The following EFCAB5 variants were observed in gnomAD, a reference collection of about 807,000 sequenced individuals.
EFCAB5 encodes the protein EF-hand calcium binding domain 5.
A neutral mutation model predicts 167.9 loss-of-function variants in EFCAB5; 131 were observed. The ratio of observed to expected loss-of-function variants is 0.78; its 90% CI spans 0.68 to 0.90. EFCAB5 has a LOEUF of 0.90. Among genes scored for constraint, EFCAB5 ranks in the 40% least tolerant of loss-of-function variants. The probability of loss-of-function intolerance (pLI) is 0.00; values close to 1 mark genes in which losing one functional copy is unlikely to be tolerated. For missense variants in EFCAB5, 1,663 were observed against 1,745.2 expected, an observed-to-expected ratio of 0.95 and a Z score of 0.84; for synonymous variants, 574 against 602.8, an observed-to-expected ratio of 0.95 and a Z score of 0.70.
At position 30,052,174 on chromosome 17, in the gene EFCAB5, C is replaced by CT. The variant is rs1263672125; in HGVS notation, c.1300+965dup. ...ACTGGCTGAGTTTCCCAAAGAATGT[C>CT]TTTTTTTTGAGACAGAGTCTCGCTC... is the stretch of plus-strand genomic sequence containing the variant. On this transcript the variant is annotated intron_variant, in intron 9 of 22. Transcript: ENST00000394835. Among the ~76,000 whole-genome samples the CT allele has an allele frequency of 6.6e-5, 10 of 151,462 alleles. No individual in the cohort carries two copies. In the East Asian group the frequency reaches 1.6e-3, roughly 24 times the overall value.
intron 18 of EFCAB5, among the ~76,000 whole-genome samples, chr17:30,084,305 C>A (rs1347270771): frequency 6.6e-6 from 1 of 152,172 alleles, no homozygotes. Context: ...GTTTGAAGGG[C>A]CCCAGCTACA....
At position 30,045,896 on chromosome 17, in the gene EFCAB5, C is replaced by G. The variant is rs1479650944; in HGVS notation, c.1201-5222C>G. Reference sequence around the variant, plus strand: ...AAATAAATAAATAAATAAAAGTTAGCTGAGTGTAGTGGCATGGTACCTGTA... The same window carrying G: ...AAATAAATAAATAAATAAAAGTTAGGTGAGTGTAGTGGCATGGTACCTGTA... On this transcript the variant is annotated intron_variant, in intron 8 of 22. Coordinates refer to ENST00000394835, the MANE Select transcript of EFCAB5 (RefSeq NM_198529.4). 4.6e-5 allele frequency among the ~76,000 whole-genome samples: 7 copies of G among 151,706 alleles called. No homozygotes were observed. The East Asian group carries it at 7.8e-4, about 17-fold the overall frequency.
intron 3 of EFCAB5, among the ~76,000 whole-genome samples, chr17:29,956,444 A>G (rs980685569): frequency 2.0e-5 from 3 of 152,334 alleles, no homozygotes; most frequent in African/African-American, 7.2e-5. Context: ...ATTGGTTACA[A>G]CTGGGCACTT....
At chr17:29,931,296 A>G (rs2067190791) in intron 1 of EFCAB5, among the ~76,000 whole-genome samples, 1 of 152,138 alleles carries the variant, frequency 6.6e-6, no homozygotes. Context: ...TTGTCACTCA[A>G]ACACTCTTGG....
intron 14 of EFCAB5, chr17:30,069,231 A>C: frequency 5.2e-6 from 8 of 1,545,416 alleles, no homozygotes; most frequent in Non-Finnish European, 7.2e-6. Context: ...GCCACTGAAG[A>C]ACATCCAGAA....
At chr17:29,979,897 G>A (rs1287363985) in intron 4 of EFCAB5, among the ~76,000 whole-genome samples, 2 of 152,156 alleles carry the variant, frequency 1.3e-5, no homozygotes, top group South Asian at 2.1e-4. Flanking sequence ...AGCCGGCCAC[G>A]GTGGCTCATG....
At chr17:29,987,999 C>T (rs1039906426) in intron 4 of EFCAB5, among the ~76,000 whole-genome samples, 1 of 152,202 alleles carries the variant, frequency 6.6e-6, no homozygotes, top group Admixed American at 6.5e-5. Context: ...ATTAACTCCT[C>T]CTGTGAAAGA....
chr17:30,051,571 A>G (rs1020964241), intron 9 of EFCAB5, among the ~76,000 whole-genome samples: 22 of 152,080 alleles, frequency 1.4e-4, no homozygotes, highest in Admixed American at 1.3e-4. Context: ...TTAACAAAAA[A>G]ATTTTTTTGA....
At chr17:29,997,008 G>A (rs1380652862) in intron 6 of EFCAB5, among the ~76,000 whole-genome samples, 1 of 152,160 alleles carries the variant, frequency 6.6e-6, no homozygotes, top group Non-Finnish European at 1.5e-5. Flanking sequence ...CACTTTGGGA[G>A]CCCGAGATGG....
chr17:30,050,212 G>A (rs1157488570), intron 8 of EFCAB5, among the ~76,000 whole-genome samples: 4 of 151,368 alleles, frequency 2.6e-5, no homozygotes, highest in African/African-American at 7.3e-5. Context: ...TCTGTTCACC[G>A]CAACCTCCGC....
chr17:30,064,396 C>T (rs1239371252), intron 14 of EFCAB5, among the ~76,000 whole-genome samples: 1 of 151,986 alleles, frequency 6.6e-6, no homozygotes, highest in Non-Finnish European at 1.5e-5. Context: ...GAGAGCTTCA[C>T]CAGCAGACTT....
intron 14 of EFCAB5, chr17:30,069,593 T>C: frequency 6.2e-7 from 1 of 1,613,304 alleles, no homozygotes; most frequent in Non-Finnish European, 8.5e-7. Flanking sequence ...CCTCGTGATG[T>C]GCTCCTTCTC....
intron 19 of EFCAB5, among the ~76,000 whole-genome samples, chr17:30,089,453 C>T (rs1247651672): frequency 2.6e-5 from 4 of 151,832 alleles, no homozygotes; most frequent in African/African-American, 7.3e-5. Flanking sequence ...TTTACAAATA[C>T]CTTAAAGAAA....
chr17:29,943,322 T>G (rs2151516571), intron 2 of EFCAB5, among the ~76,000 whole-genome samples: 1 of 152,282 alleles, frequency 6.6e-6, no homozygotes, highest in Non-Finnish European at 1.5e-5. Flanking sequence ...GCATATTACT[T>G]TGTTAGTAAC....
intron 3 of EFCAB5, among the ~76,000 whole-genome samples, chr17:29,946,500 G>A (rs2067402360): frequency 1.6e-5 from 2 of 127,174 alleles, no homozygotes; most frequent in African/African-American, 3.0e-5. Flanking sequence ...GCAGTGGCAT[G>A]ATCTTGGCTG....
intron 9 of EFCAB5, 115 bp from the exon 10 acceptor site, chr17:30,053,140 A>G: frequency 8.5e-7 from 1 of 1,177,280 alleles, no homozygotes; most frequent in Non-Finnish European, 1.2e-6. Flanking sequence ...TATTTAGAGC[A>G]ATAGGCCTAT....
chr17:29,977,035 G>A (rs538980369), intron 4 of EFCAB5, among the ~76,000 whole-genome samples: 11 of 152,160 alleles, frequency 7.2e-5, no homozygotes, highest in South Asian at 6.2e-4. Context: ...TAATTCTTAC[G>A]TGCAATTTTG....
rs941326539 is a variant in EFCAB5, at chr17:30,052,934, A to G, written c.1301-321A>G. On this transcript the variant is annotated intron_variant, in intron 9 of 22. Transcript: ENST00000394835. ...CCCATCCCTATGTGATGCTTATTGT[A>G]GGAGACCACAAAGGTAGAGGACAAA... Among the ~76,000 whole-genome samples, 5 of 152,224 alleles carry G rather than the reference A, an allele frequency of 3.3e-5. 1 individual carries two copies. The highest frequency in any genetic ancestry group is 4.1e-4 in the South Asian group (2 of 4,830).
At chr17:30,032,590 TACAA>T (rs1567727511) in intron 7 of EFCAB5, among the ~76,000 whole-genome samples, 1 of 152,220 alleles carries the variant, frequency 6.6e-6, no homozygotes, top group Non-Finnish European at 1.5e-5. Context: ...GAGAATTCTG[TACAA>T]ACAGACCTTG....
Sources: gnomAD v4.1 joint callset for allele counts (sites outside exome capture counted in the v4.1 genomes callset) on GRCh38, gnomAD v4.1.1 for gene constraint, MANE v1.5 for transcripts, NCBI Gene and HGNC (gene_info 2026-07-23, HGNC 2026-07-21) for gene names.